The following EIF4ENIF1 variants were observed in gnomAD, a reference collection of about 807,000 sequenced individuals.
EIF4ENIF1 encodes eukaryotic translation initiation factor 4E nuclear import factor 1.
Under a neutral mutation model 110.5 loss-of-function variants are expected in EIF4ENIF1, and 23 were observed. That is an observed-to-expected ratio of 0.21 (90% confidence interval 0.15 to 0.29). The LOEUF (loss-of-function observed/expected upper bound fraction) is 0.29. Among genes scored for constraint, EIF4ENIF1 ranks in the 10% least tolerant of loss-of-function variants. EIF4ENIF1 has a pLI of 1.00. For missense variants in EIF4ENIF1, 1,031 were observed against 1,221.1 expected (o/e 0.84, Z 2.32); for synonymous variants, 440 against 437.0 (o/e 1.01, Z -0.09).
intron 7 of EIF4ENIF1, among the ~76,000 whole-genome samples, chr22:31,456,474 T>G (rs12485188): frequency 1.3e-5 from 2 of 151,922 alleles, no homozygotes; most frequent in South Asian, 4.1e-4. Context: ...CCGCCCGCCT[T>G]GGCCTCCCAA....
chr22:31,485,746 G>A (rs532664006), intron 2 of EIF4ENIF1, among the ~76,000 whole-genome samples: 3 of 152,196 alleles, frequency 2.0e-5, no homozygotes, highest in East Asian at 3.9e-4. Flanking sequence ...GGAGGTTGCA[G>A]TGAGCCAAGA....
At chr22:31,445,985 T>C (rs1172318825) in intron 14 of EIF4ENIF1, among the ~76,000 whole-genome samples, 2 of 140,292 alleles carry the variant, frequency 1.4e-5, no homozygotes, top group Non-Finnish European at 3.0e-5. Context: ...ACAGGGTTGA[T>C]ATGAAGATCA....
Position 31,440,874 on chromosome 22 carries a change from G to T in EIF4ENIF1, c.2552-6C>A. ...CATCCCAGGAGGAAGCACACCTGTTGAGCAGAAAAAGCAAGCAGCTGAGTA... is the reference window on the plus strand; with the variant it reads ...CATCCCAGGAGGAAGCACACCTGTTTAGCAGAAAAAGCAAGCAGCTGAGTA... On this transcript the variant is annotated splice_region_variant and splice_polypyrimidine_tract_variant and intron_variant, in intron 17 of 18. Transcript: ENST00000330125. 6.2e-7 allele frequency: 1 copy of T among 1,613,764 alleles called. No homozygotes were observed. The highest frequency in any genetic ancestry group is 1.1e-5 in the South Asian group (1 of 91,054).
At chr22:31,463,607 T>C (rs996656205) in intron 5 of EIF4ENIF1, 74 bp downstream of exon 5, 20 of 1,406,718 alleles carry the variant, frequency 1.4e-5, no homozygotes, top group East Asian at 2.5e-5. Context: ...GATCGTGCCA[T>C]TGCACTCCAG....
Position 31,439,692 on chromosome 22 carries a change from T to C in EIF4ENIF1, c.*188A>G, listed in dbSNP as rs188630741. On this transcript the variant is annotated 3_prime_UTR_variant, in exon 19 of 19. Coordinates refer to ENST00000330125, the MANE Select transcript of EIF4ENIF1 (RefSeq NM_019843.4). ...CATTGTGCATCCTGTATTCAGACAA[T>C]GTACACTCCACTCGACTGGTTAAGA... is the stretch of plus-strand genomic sequence containing the variant. 4.0e-6 allele frequency: 3 copies of C among 741,610 alleles called. No individual in the cohort carries two copies. The highest frequency in any genetic ancestry group is 3.2e-5 in the Admixed American group (1 of 31,566). The allele number at this position is 741,610 out of a possible 1,614,324, so 45.9% of individuals were successfully genotyped here.
At chr22:31,444,723 A>C in intron 14 of EIF4ENIF1, 33 bp from the exon 15 acceptor site, 1 of 1,600,002 alleles carries the variant, frequency 6.2e-7, no homozygotes, top group Non-Finnish European at 8.6e-7. Flanking sequence ...CATGAACCCC[A>C]ATCTGCTTAA....
intron 6 of EIF4ENIF1, among the ~76,000 whole-genome samples, chr22:31,462,460 G>A (rs888145218): frequency 6.6e-6 from 1 of 150,676 alleles, no homozygotes; most frequent in Admixed American, 6.6e-5. Flanking sequence ...ACTCCAGCCC[G>A]GGCAACTGAG....
intron 3 of EIF4ENIF1, among the ~76,000 whole-genome samples, chr22:31,470,523 C>A (rs1271917514): frequency 6.6e-6 from 1 of 152,042 alleles, no homozygotes; most frequent in Non-Finnish European, 1.5e-5. Context: ...TTGTGATCTG[C>A]CCGCCCTGGC....
chr22:31,450,567 G>A, intron 10 of EIF4ENIF1: 1 of 441,370 alleles, frequency 2.3e-6, no homozygotes, highest in Admixed American at 3.7e-5. Context: ...ACATGTACAT[G>A]CAAAGTCCCC....
intron 10 of EIF4ENIF1, among the ~76,000 whole-genome samples, chr22:31,452,342 TC>T (rs2050699024): frequency 2.0e-5 from 3 of 152,230 alleles, no homozygotes; most frequent in Admixed American, 2.0e-4. Context: ...TTGTATTCTT[TC>T]CTGCTAGCTG....
chr22:31,490,200 C>G (rs1371758270), upstream of EIF4ENIF1, among the ~76,000 whole-genome samples: 1 of 152,246 alleles, frequency 6.6e-6, no homozygotes, highest in Admixed American at 6.5e-5. Context: ...ACGCCACTCT[C>G]CCGGAGGCGG....
At chr22:31,463,208 A>C (rs1035021819) in intron 5 of EIF4ENIF1, 75 bp from the exon 6 acceptor site, 2 of 1,403,054 alleles carry the variant, frequency 1.4e-6, no homozygotes, top group African/African-American at 2.8e-5. Flanking sequence ...TCTTCGTTGT[A>C]ATGTTCAATA....
chr22:31,454,038 A>T (rs1307625096), intron 10 of EIF4ENIF1, 106 bp downstream of exon 10: 31 of 1,013,946 alleles, frequency 3.1e-5, no homozygotes, highest in Non-Finnish European at 1.9e-5. Flanking sequence ...ACTACTAAAG[A>T]ATTTCCAACT....
downstream of EIF4ENIF1, among the ~76,000 whole-genome samples, chr22:31,438,358 A>ATAAT (rs1238056929): frequency 1.3e-5 from 2 of 152,336 alleles, no homozygotes; most frequent in East Asian, 3.9e-4. Flanking sequence ...GTTAAGGTGA[A>ATAAT]TAATAAAACA....
At chr22:31,481,618 T>C (rs1204858640) in intron 2 of EIF4ENIF1, among the ~76,000 whole-genome samples, 2 of 152,192 alleles carry the variant, frequency 1.3e-5, no homozygotes, top group Non-Finnish European at 2.9e-5. Flanking sequence ...CAACCTAGGA[T>C]TTAAATCAGT....
intron 4 of EIF4ENIF1, among the ~76,000 whole-genome samples, chr22:31,467,082 A>G (rs925161308): frequency 1.3e-5 from 2 of 152,218 alleles, no homozygotes; most frequent in Non-Finnish European, 2.9e-5. Context: ...TTACAGGACA[A>G]TGCAATGTAA....
chr22:31,488,808 T>G (rs1176875676), intron 1 of EIF4ENIF1, 63 bp from the exon 2 acceptor site: 15 of 1,516,596 alleles, frequency 9.9e-6, no homozygotes, highest in Non-Finnish European at 1.3e-5. Flanking sequence ...ATCTTGGCTG[T>G]TTCTTCAGAA....
chr22:31,476,278 T>C (rs1036375369), intron 2 of EIF4ENIF1, among the ~76,000 whole-genome samples: 12 of 152,188 alleles, frequency 7.9e-5, no homozygotes, highest in African/African-American at 2.4e-4. Flanking sequence ...TTCTAAGTGG[T>C]GTTTTGTTTG....
rs1020728031 is a variant in EIF4ENIF1, at chr22:31,467,644, G to A, written c.298+531C>T. On this transcript the variant is annotated intron_variant, in intron 4 of 18. Transcript: ENST00000330125. ...TCAAGACCAGCCTGGCCAAGATGGT[G>A]AAACCCCATCTCTACTAAAAATACA... 4.6e-4 allele frequency among the ~76,000 whole-genome samples: 70 copies of A among 152,192 alleles called. 2 individuals carry two copies. The highest frequency in any genetic ancestry group is 2.5e-4 in the Non-Finnish European group (17 of 68,002).
Sources: gnomAD v4.1 joint callset for allele counts (sites outside exome capture counted in the v4.1 genomes callset) on GRCh38, gnomAD v4.1.1 for gene constraint, MANE v1.5 for transcripts, NCBI Gene and HGNC (gene_info 2026-07-23, HGNC 2026-07-21) for gene names.